The following MYO5B variants were observed in gnomAD, a reference collection of about 807,000 sequenced individuals.
MYO5B encodes the protein unconventional myosin-Vb.
In MYO5B, 143 loss-of-function variants were observed where a neutral mutation model predicts 229.3. The observed-to-expected ratio is 0.62, with a 90% confidence interval of 0.54 to 0.72. The LOEUF (loss-of-function observed/expected upper bound fraction) is 0.72, where lower values mean the gene tolerates loss of function less well. Ranked by LOEUF, MYO5B falls within the 30% of genes least tolerant of loss-of-function variation. The pLI is 0.00. For missense variants in MYO5B, 2,321 were observed against 2,331.0 expected (o/e 1.00, Z 0.09); for synonymous variants, 918 against 885.2 (o/e 1.04, Z -0.66).
At chr18:49,982,353 T>C (rs1034061361) in intron 8 of MYO5B, among the ~76,000 whole-genome samples, 1 of 152,212 alleles carries the variant, frequency 6.6e-6, no homozygotes, top group Non-Finnish European at 1.5e-5. Flanking sequence ...CCACTGTACC[T>C]GGCCTACTTC....
At chr18:50,041,951 C>T (rs1247938433) in intron 2 of MYO5B, among the ~76,000 whole-genome samples, 1 of 152,056 alleles carries the variant, frequency 6.6e-6, no homozygotes, top group Non-Finnish European at 1.5e-5. Context: ...GAAAATCATA[C>T]CTAGAATACA....
intron 12 of MYO5B, among the ~76,000 whole-genome samples, chr18:49,955,786 T>C (rs1427828202): frequency 6.6e-6 from 1 of 152,240 alleles, no homozygotes; most frequent in East Asian, 1.9e-4. Context: ...TACTGTTTTA[T>C]ATTTGTCTCC....
chr18:49,959,522 G>A (rs1178611903), intron 12 of MYO5B, among the ~76,000 whole-genome samples: 1 of 152,140 alleles, frequency 6.6e-6, no homozygotes, highest in Non-Finnish European at 1.5e-5. Context: ...GGGGACACTG[G>A]CCTCCCCACT....
chr18:50,117,767 G>C (rs776123327), intron 1 of MYO5B, among the ~76,000 whole-genome samples: 2 of 152,068 alleles, frequency 1.3e-5, no homozygotes, highest in Non-Finnish European at 2.9e-5. Context: ...TGATTTTGTT[G>C]CTAAAAACAT....
Position 50,104,167 on chromosome 18 carries a change from T to TAAAAAAAAA in MYO5B, c.28-48790_28-48789insTTTTTTTTT, listed in dbSNP as rs144294604. ...GGGCAACAGATGAGAACTTGTCTAT[T>TAAAAAAAAA]AAAAAGAAAAAAAAGAAAATTATAC... On this transcript the variant is annotated intron_variant, in intron 1 of 39. Transcript: ENST00000285039. 2.1e-3 allele frequency among the ~76,000 whole-genome samples: 278 copies of TAAAAAAAAA among 131,466 alleles called. 5 individuals are homozygous for TAAAAAAAAA. Among genetic ancestry groups the TAAAAAAAAA allele is most frequent in the African/African-American group, 7.1e-3 (248 of 34,974 alleles). 86.2% of individuals were successfully genotyped at this position (131,466 alleles called of 152,430 possible).
intron 23 of MYO5B, among the ~76,000 whole-genome samples, chr18:49,879,870 A>G (rs1183644186): frequency 6.6e-6 from 1 of 152,236 alleles, no homozygotes; most frequent in Non-Finnish European, 1.5e-5. Flanking sequence ...AAACATTAAC[A>G]GATGACCCAC....
chr18:49,869,957 T>C (rs1287943151), intron 27 of MYO5B, among the ~76,000 whole-genome samples: 2 of 152,182 alleles, frequency 1.3e-5, no homozygotes, highest in Admixed American at 1.3e-4. Context: ...CCGAAAGTGC[T>C]ACCTATAATA....
At chr18:50,153,307 A>T (rs1260178463) in intron 1 of MYO5B, among the ~76,000 whole-genome samples, 1 of 152,202 alleles carries the variant, frequency 6.6e-6, no homozygotes, top group Non-Finnish European at 1.5e-5. Context: ...CAAAATAGTG[A>T]CTTTCAAGCT....
intron 1 of MYO5B, among the ~76,000 whole-genome samples, chr18:50,142,107 G>C (rs1045848335): frequency 6.6e-6 from 1 of 152,154 alleles, no homozygotes; most frequent in African/African-American, 2.4e-5. Flanking sequence ...CATCTGTCAG[G>C]ATCAACTGGG....
At chr18:50,123,519 G>A (rs1433539152) in intron 1 of MYO5B, among the ~76,000 whole-genome samples, 3 of 152,084 alleles carry the variant, frequency 2.0e-5, no homozygotes, top group African/African-American at 7.2e-5. Context: ...TTGAAATCAG[G>A]AATTCGAGAC....
In MYO5B at chr18:49,824,810, G is replaced by A. The variant is rs1336258483; in HGVS notation, c.*1661C>T. The stretch of plus-strand genomic sequence containing the variant: ...AAGGCACAGCTCTGCCGATGCCCAA[G>A]AGAAGCCGGCATGTTTAATGTGGAT... On this transcript the variant is annotated 3_prime_UTR_variant, in exon 40 of 40. Coordinates refer to ENST00000285039, the MANE Select transcript of MYO5B (RefSeq NM_001080467.3). 6.6e-6 allele frequency: 1 copy of A among 152,196 alleles called. No individual in the cohort carries two copies. Among genetic ancestry groups the A allele is most frequent in the African/African-American group, 2.4e-5 (1 of 41,428 alleles). 9.4% of individuals were successfully genotyped at this position (152,196 alleles called of 1,614,324 possible). A position where few individuals can be genotyped will look rare whatever the true frequency, so the allele number is the denominator to read the frequency against.
intron 32 of MYO5B, among the ~76,000 whole-genome samples, chr18:49,848,465 T>A (rs1438488220): frequency 2.0e-5 from 3 of 152,166 alleles, no homozygotes; most frequent in Non-Finnish European, 4.4e-5. Flanking sequence ...GGGTGCTCCA[T>A]GAACTCCTAG....
chr18:50,180,863 GC>G (rs1200309003), intron 1 of MYO5B, among the ~76,000 whole-genome samples: 1 of 152,134 alleles, frequency 6.6e-6, no homozygotes, highest in East Asian at 1.9e-4. Flanking sequence ...GTTTTTTAAG[GC>G]TGAATATATC....
intron 1 of MYO5B, 85 bp downstream of exon 1, chr18:50,194,682 C>A: frequency 1.0e-6 from 1 of 989,292 alleles, no homozygotes; most frequent in Non-Finnish European, 1.5e-6. Context: ...CCTCCAGTAG[C>A]CGAGGGAGAA....
At chr18:49,903,493 A>G (rs1372368602) in intron 20 of MYO5B, among the ~76,000 whole-genome samples, 3 of 152,096 alleles carry the variant, frequency 2.0e-5, no homozygotes, top group Non-Finnish European at 4.4e-5. Flanking sequence ...CCCAAACATC[A>G]CCTGCCCCTT....
intron 16 of MYO5B, among the ~76,000 whole-genome samples, chr18:49,931,634 C>T (rs1247553311): frequency 3.3e-5 from 5 of 152,270 alleles, no homozygotes; most frequent in Non-Finnish European, 5.9e-5. Flanking sequence ...GTTGCTCGGC[C>T]ACAAGAGGAA....
chr18:50,188,254 C>A (rs1324976436), intron 1 of MYO5B, among the ~76,000 whole-genome samples: 1 of 152,168 alleles, frequency 6.6e-6, no homozygotes, highest in Non-Finnish European at 1.5e-5. Context: ...CCTCCTCATG[C>A]ATTTCAAATC....
At chr18:49,833,906 A>C (rs2144025879) in intron 39 of MYO5B, among the ~76,000 whole-genome samples, 1 of 152,136 alleles carries the variant, frequency 6.6e-6, no homozygotes, top group South Asian at 2.1e-4. Context: ...AGAGAGACTC[A>C]CTCTGCCTGC....
chr18:50,073,743 C>T (rs575071710), intron 1 of MYO5B, among the ~76,000 whole-genome samples: 21 of 152,058 alleles, frequency 1.4e-4, no homozygotes, highest in Non-Finnish European at 2.5e-4. Flanking sequence ...CTTTCCTACC[C>T]CTCACCTGTT....
Sources: allele counts gnomAD v4.1 joint callset (sites outside exome capture counted in the v4.1 genomes callset), GRCh38; gene constraint gnomAD v4.1.1; transcripts MANE v1.5; gene names NCBI Gene and HGNC (gene_info 2026-07-23, HGNC 2026-07-21).